Variants in MAPT observed in about 807,000 individuals in gnomAD.
The protein encoded by MAPT is microtubule-associated protein tau.
Under a neutral mutation model 67.9 loss-of-function variants are expected in MAPT, and 34 were observed. The observed-to-expected ratio is 0.50, with a 90% CI of 0.38 to 0.67. The LOEUF (loss-of-function observed/expected upper bound fraction) is 0.67. MAPT is among the 30% of genes least tolerant of loss of function. MAPT has a pLI of 0.00. For missense variants in MAPT, 881 were observed against 1,115.2 expected (o/e 0.79, Z 2.99); for synonymous variants, 456 against 464.5 (o/e 0.98, Z 0.23).
Position 46,014,230 on chromosome 17 carries a change from C to T in MAPT, c.2092-13C>T, listed in dbSNP as rs913889953. 6.4e-7 allele frequency: 1 copy of T among 1,559,456 alleles called. No homozygotes were observed. Among genetic ancestry groups the T allele is most frequent in the Non-Finnish European group, 8.8e-7 (1 of 1,130,376 alleles). On this transcript the variant is annotated splice_polypyrimidine_tract_variant and intron_variant, in intron 10 of 12. Coordinates refer to ENST00000262410, the MANE Select transcript of MAPT (RefSeq NM_001377265.1). ...TGCCTTTCCTCTTCTCTCTCCTCCT[C>T]TCTCATCTCCAGGTGCAAATAGTCT...
chr17:45,955,900 T>C (rs943314481), intron 1 of MAPT, among the ~76,000 whole-genome samples: 4 of 152,144 alleles, frequency 2.6e-5, no homozygotes, highest in Non-Finnish European at 4.4e-5. Flanking sequence ...CATGCCCGGC[T>C]AATTTTTGTG....
At chr17:45,953,357 T>A (rs2069278935) in intron 1 of MAPT, among the ~76,000 whole-genome samples, 1 of 152,142 alleles carries the variant, frequency 6.6e-6, no homozygotes. Flanking sequence ...GGCAGGTAGG[T>A]CCCAAAGCAT....
Position 46,024,130 on chromosome 17 carries a change from G to A in MAPT, c.2461G>A (p.Ala821Thr), listed in dbSNP as rs763859283. 1 of 1,614,164 alleles carries A rather than the reference G, an allele frequency of 6.2e-7. No homozygotes were observed. Among genetic ancestry groups the A allele is most frequent in the Non-Finnish European group, 8.5e-7 (1 of 1,180,034 alleles). The part of the protein sequence containing the change: ...MVDSPQLATL[A>T]DEVSASLAKQ... ...AGACTCGCCCCAGCTCGCCACGCTA[G>A]CTGACGAGGTGTCTGCCTCCCTGGC... Residue 821 changes from alanine to threonine, a missense_variant, in exon 13 of 13, where the codon GCT (alanine) becomes ACT (threonine). Around this residue, in one of 6 missense-constraint regions of MAPT, gnomAD observed 79 missense variants for 150.9 expected, o/e 0.52. Coordinates refer to ENST00000262410, the MANE Select transcript of MAPT (RefSeq NM_001377265.1).
rs1333597527 is a variant in MAPT at position 46,024,498 on chromosome 17, A to T, written c.*327A>T. The T allele has an allele frequency of 1.2e-5, 5 of 420,300 alleles. No individual in the cohort carries two copies. The highest frequency in any genetic ancestry group is 1.0e-4 in the African/African-American group (5 of 49,558). The allele number at this position is 420,300 out of a possible 1,614,324, so 26.0% of individuals were successfully genotyped here. On this transcript the variant is annotated 3_prime_UTR_variant, in exon 13 of 13. Transcript: ENST00000262410. ...TCTTTTTTCTTCCCCCTCCATGTAG[A>T]AGAGGGAGAAGGAGAGGCTCTGAAA...
intron 1 of MAPT, among the ~76,000 whole-genome samples, chr17:45,959,774 T>C (rs2070178646): frequency 6.6e-6 from 1 of 151,374 alleles, no homozygotes; most frequent in Non-Finnish European, 1.5e-5. Context: ...AGAGTGAAAC[T>C]CCATCTAAAA....
chr17:46,005,093 C>T (rs2075320577), intron 9 of MAPT, among the ~76,000 whole-genome samples: 2 of 152,216 alleles, frequency 1.3e-5, no homozygotes, highest in East Asian at 1.9e-4. Context: ...CAGAAAAAAA[C>T]ATTTCTAAGT....
At chr17:46,014,452 A>G (rs2146083467) in intron 11 of MAPT, 128 bp downstream of exon 11, 2 of 751,294 alleles carry the variant, frequency 2.7e-6, no homozygotes, top group Non-Finnish European at 2.4e-6. Flanking sequence ...TACATCAAGG[A>G]AAGTGTTGAG....
At chr17:45,926,814 A>T (rs1022901756) in intron 1 of MAPT, among the ~76,000 whole-genome samples, 1 of 152,110 alleles carries the variant, frequency 6.6e-6, no homozygotes, top group Non-Finnish European at 1.5e-5. Context: ...TACTTCCCCC[A>T]GGAAATTTCT....
At chr17:45,968,678 G>A (rs2071338434) in intron 2 of MAPT, among the ~76,000 whole-genome samples, 1 of 152,186 alleles carries the variant, frequency 6.6e-6, no homozygotes, top group Admixed American at 6.5e-5. Context: ...GGGCCCTCCA[G>A]GATTCCCAGT....
chr17:45,924,222 C>T (rs1019730351), intron 1 of MAPT, among the ~76,000 whole-genome samples: 12 of 152,044 alleles, frequency 7.9e-5, no homozygotes, highest in African/African-American at 2.7e-4. Flanking sequence ...GATGGCAAAA[C>T]CAGAACACAG....
chr17:46,014,456 T>C (rs1452840961), intron 11 of MAPT, 132 bp downstream of exon 11: 4 of 739,944 alleles, frequency 5.4e-6, no homozygotes, highest in Non-Finnish European at 7.3e-6. Flanking sequence ...TCAAGGAAAG[T>C]GTTGAGTGTG....
intron 8 of MAPT, among the ~76,000 whole-genome samples, chr17:45,993,204 A>T (rs2074214919): frequency 6.6e-6 from 1 of 152,204 alleles, no homozygotes; most frequent in Non-Finnish European, 1.5e-5. Flanking sequence ...CATTTCTCGC[A>T]CACATGCCGT....
rs193206828 is a variant in MAPT at position 45,947,608 on chromosome 17, G to A, written c.-17-14713G>A. On this transcript the variant is annotated intron_variant, in intron 1 of 12. Transcript: ENST00000262410. ...TCACCATGTTGGTCAGGCTGGTCTC[G>A]AACTCCTGACCTCAGATGATTCACC... Among the ~76,000 whole-genome samples, 64 of 151,834 alleles carry A rather than the reference G, an allele frequency of 4.2e-4. No homozygotes were observed. In the East Asian group the frequency reaches 0.012, roughly 28 times the overall value.
At chr17:45,964,574 C>T (rs1413361386) in intron 2 of MAPT, among the ~76,000 whole-genome samples, 1 of 151,824 alleles carries the variant, frequency 6.6e-6, no homozygotes, top group African/African-American at 2.4e-5. Context: ...GTCCCAGCTA[C>T]TCAAGAGGCA....
chr17:45,919,942 G>T (rs2065539203), intron 1 of MAPT, among the ~76,000 whole-genome samples: 1 of 152,064 alleles, frequency 6.6e-6, no homozygotes, highest in Non-Finnish European at 1.5e-5. Context: ...ACAAAAGAAG[G>T]CTTAAAGGGG....
chr17:45,952,712 A>G (rs1396822473), intron 1 of MAPT, among the ~76,000 whole-genome samples: 30 of 152,152 alleles, frequency 2.0e-4, no homozygotes, highest in Non-Finnish European at 1.5e-5. Context: ...CAATGTCAGC[A>G]TAAGAAGGGA....
At position 45,971,522 on chromosome 17, in the gene MAPT, G is replaced by A. The variant is rs1460498908; in HGVS notation, c.134-337G>A. On this transcript the variant is annotated intron_variant, in intron 2 of 12. Coordinates refer to ENST00000262410, the MANE Select transcript of MAPT (RefSeq NM_001377265.1). The surrounding 1 kb of genome is among the most constrained non-coding windows in gnomAD (Gnocchi z 4.3). ...AAGCAGAAGGTTCATGCGTAGCTCGGCTTTCTGGTATTTGCTGCCCGTTGA... is the reference window on the plus strand; with the variant it reads ...AAGCAGAAGGTTCATGCGTAGCTCGACTTTCTGGTATTTGCTGCCCGTTGA... Among the ~76,000 whole-genome samples the A allele has an allele frequency of 2.0e-5, 3 of 152,172 alleles. No individual in the cohort carries two copies. The highest frequency in any genetic ancestry group is 2.9e-5 in the Non-Finnish European group (2 of 68,038).
intron 2 of MAPT, among the ~76,000 whole-genome samples, chr17:45,963,582 T>A (rs574047661): frequency 6.6e-6 from 1 of 152,350 alleles, no homozygotes; most frequent in African/African-American, 2.4e-5. Context: ...TACCCATTTC[T>A]AAGGAGGCAA....
At chr17:45,928,617 C>A (rs370729784) in intron 1 of MAPT, among the ~76,000 whole-genome samples, 1 of 151,960 alleles carries the variant, frequency 6.6e-6, no homozygotes, top group African/African-American at 2.4e-5. Flanking sequence ...AAGACTCCAC[C>A]CTAGGCCAAT....
Sources: gnomAD v4.1 joint callset for allele counts (sites outside exome capture counted in the v4.1 genomes callset) on GRCh38, gnomAD v4.1.1 for gene constraint, gnomAD v4.1.1 regional missense constraint, Gnocchi (gnomAD v3.1) non-coding constraint, MANE v1.5 for transcripts, NCBI Gene and HGNC (gene_info 2026-07-23, HGNC 2026-07-21) for gene names.